Variants in DMD observed in about 807,000 individuals in gnomAD.
DMD encodes dystrophin.
Under a neutral mutation model 330.1 loss-of-function variants are expected in DMD, and 63 were observed. The ratio of observed to expected loss-of-function variants is 0.19; its 90% confidence interval spans 0.16 to 0.24. DMD has a LOEUF of 0.24. DMD is among the 10% of genes least tolerant of loss of function. DMD has a pLI of 1.00. For synonymous variants in DMD, 1,223 were observed against 959.8 expected (o/e 1.27, Z -5.07); for missense variants, 3,344 against 2,684.1 (o/e 1.25, Z -5.43).
intron 51 of DMD, among the ~76,000 whole-genome samples, chrX:31,773,724 C>CTTTTTTTTTTTTTTTTTTT (rs762551529): frequency 3.2e-4 from 17 of 53,538 alleles, no homozygotes; most frequent in Non-Finnish European, 3.8e-4. Flanking sequence ...AAGGTTTCTG[C>CTTTTTTTTTTTTTTTTTTT]TTTTTTTTTT....
chrX:32,165,461 C>A (rs759186322), intron 44 of DMD, among the ~76,000 whole-genome samples: 6 of 112,522 alleles, frequency 5.3e-5, no homozygotes, highest in African/African-American at 1.9e-4. Flanking sequence ...TGGCTAATTT[C>A]TCCCATTTGT....
At chrX:32,812,014 G>C (rs1391657807) in intron 6 of DMD, among the ~76,000 whole-genome samples, 2 of 111,526 alleles carry the variant, frequency 1.8e-5, no homozygotes, top group Non-Finnish European at 3.8e-5. Flanking sequence ...TTAAAAGAAA[G>C]AAACTGGCTG....
intron 44 of DMD, among the ~76,000 whole-genome samples, chrX:32,039,316 G>A (rs964971965): frequency 1.8e-5 from 2 of 111,346 alleles, no homozygotes; most frequent in Non-Finnish European, 3.8e-5. Context: ...TTTTACAGGC[G>A]AGGGCACAAA....
intron 4 of DMD, among the ~76,000 whole-genome samples, chrX:32,834,680 A>G (rs2079453316): frequency 8.9e-6 from 1 of 111,755 alleles, no homozygotes; most frequent in South Asian, 3.7e-4. Flanking sequence ...AGTATCCCAC[A>G]TTGTAGATTT....
At chrX:32,720,733 G>C (rs751960740) in intron 7 of DMD, among the ~76,000 whole-genome samples, 1 of 111,436 alleles carries the variant, frequency 9.0e-6, no homozygotes, top group Non-Finnish European at 1.9e-5. Context: ...TTCTCATAAT[G>C]TATGCATAGA....
Position 32,217,016 on chromosome X carries a change from A to T in DMD, c.6338T>A (p.Ile2113Lys), listed in dbSNP as rs2097114761. The T allele has an allele frequency of 8.3e-7, 1 of 1,208,818 alleles. No individual in the cohort carries two copies. Among genetic ancestry groups the T allele is most frequent in the South Asian group, 1.8e-5 (1 of 56,856 alleles). The change falls in exon 44 of 79, where the codon ATA (isoleucine) becomes AAA (lysine). Residue 2113 changes from isoleucine to lysine, a missense_variant. Physicochemically the swap from Ile to Lys is moderately radical, Grantham distance 102. Coordinates refer to ENST00000357033, the MANE Select transcript of DMD (RefSeq NM_004006.3). Reference protein sequence around the residue: ...VEKWRRFHYDIKIFNQWLTEA... With the variant: ...VEKWRRFHYDKKIFNQWLTEA... ...TGTTAGCCACTGATTAAATATCTTTATATCATAATGAAAACGCCGCCATTT... is the reference window on the plus strand; with the variant it reads ...TGTTAGCCACTGATTAAATATCTTTTTATCATAATGAAAACGCCGCCATTT...
At chrX:31,674,904 T>C (rs183582880) in intron 53 of DMD, among the ~76,000 whole-genome samples, 1 of 112,527 alleles carries the variant, frequency 8.9e-6, no homozygotes, top group Admixed American at 9.4e-5. Flanking sequence ...TTTTGCCTCT[T>C]GTGAAAGTTC....
At chrX:33,245,285 T>TA (rs72440225) in intron 1 of DMD, among the ~76,000 whole-genome samples, 28 of 99,373 alleles carry the variant, frequency 2.8e-4, no homozygotes, top group South Asian at 9.0e-4. Context: ...CTCTGAAAAG[T>TA]AAAAAAAAAA....
At chrX:32,070,082 A>G (rs1179919671) in intron 44 of DMD, among the ~76,000 whole-genome samples, 4 of 111,237 alleles carry the variant, frequency 3.6e-5, no homozygotes, top group Non-Finnish European at 1.9e-5. Flanking sequence ...CAAGCATGAA[A>G]CCAGCACTCT....
chrX:31,295,916 A>C (rs2054146785), intron 62 of DMD, among the ~76,000 whole-genome samples: 1 of 111,519 alleles, frequency 9.0e-6, no homozygotes, highest in Admixed American at 9.5e-5. Flanking sequence ...TAAAGCTTGA[A>C]GTCAAAAGCT....
At chrX:33,173,765 G>A (rs1306035053) in intron 1 of DMD, among the ~76,000 whole-genome samples, 1 of 110,485 alleles carries the variant, frequency 9.1e-6, no homozygotes, top group African/African-American at 3.3e-5. Context: ...ATTTATGATA[G>A]TCTATTTATG....
intron 44 of DMD, among the ~76,000 whole-genome samples, chrX:32,097,744 A>G (rs1293931550): frequency 1.8e-5 from 2 of 112,238 alleles, no homozygotes; most frequent in Non-Finnish European, 3.8e-5. Context: ...ATAGCATTTA[A>G]TAATGTTAAT....
At chrX:31,788,564 G>T (rs2149302893) in intron 50 of DMD, among the ~76,000 whole-genome samples, 1 of 111,419 alleles carries the variant, frequency 9.0e-6, no homozygotes, top group African/African-American at 3.2e-5. Flanking sequence ...TAGATGAGAT[G>T]TACTGTATAT....
chrX:32,501,631 A>G, intron 19 of DMD, 124 bp downstream of exon 19: 1 of 550,756 alleles, frequency 1.8e-6, no homozygotes. Flanking sequence ...AAAAACATAC[A>G]AACACCTTTT....
intron 1 of DMD, among the ~76,000 whole-genome samples, chrX:33,114,063 C>A (rs1283537283): frequency 9.1e-6 from 1 of 109,593 alleles, no homozygotes; most frequent in African/African-American, 3.3e-5. Context: ...CTCTAATATC[C>A]TCAATCTGGT....
At chrX:32,980,368 C>CAAAAA (rs755016078) in intron 2 of DMD, among the ~76,000 whole-genome samples, 8 of 42,634 alleles carry the variant, frequency 1.9e-4, no homozygotes, top group African/African-American at 7.1e-4. Flanking sequence ...GACTCTGTCT[C>CAAAAA]AAAAAAAAAA....
chrX:31,156,382 A>C (rs1259890792), intron 74 of DMD, among the ~76,000 whole-genome samples: 1 of 111,626 alleles, frequency 9.0e-6, no homozygotes, highest in Non-Finnish European at 1.9e-5. Flanking sequence ...AACGTAAAGG[A>C]AAAAAATAAA....
chrX:32,010,575 C>G (rs1352475084), intron 44 of DMD, among the ~76,000 whole-genome samples: 1 of 111,690 alleles, frequency 9.0e-6, no homozygotes, highest in Non-Finnish European at 1.9e-5. Flanking sequence ...TAGCAGTCAC[C>G]AAAATAATCC....
At chrX:32,139,413 C>T (rs2096742432) in intron 44 of DMD, among the ~76,000 whole-genome samples, 1 of 112,049 alleles carries the variant, frequency 8.9e-6, no homozygotes, top group Admixed American at 9.5e-5. Flanking sequence ...TTTAATAACT[C>T]AAAACATACT....
Sources: gnomAD v4.1 joint callset for allele counts (sites outside exome capture counted in the v4.1 genomes callset) on GRCh38, gnomAD v4.1.1 for gene constraint, MANE v1.5 for transcripts, NCBI Gene and HGNC (gene_info 2026-07-23, HGNC 2026-07-21) for gene names.